The following ABCC4 variants were observed in gnomAD, a reference collection of about 807,000 sequenced individuals.
The protein encoded by ABCC4 is ATP-binding cassette sub-family C member 4.
ABCC4 carries 102 observed loss-of-function variants against 168.5 expected under a neutral mutation model. That is an observed-to-expected ratio of 0.61 (90% CI 0.52 to 0.71). The LOEUF is 0.71. Among genes scored for constraint, ABCC4 ranks in the 30% least tolerant of loss-of-function variants. ABCC4 has a pLI of 0.00. For missense variants in ABCC4, 1,402 were observed against 1,605.8 expected, an observed-to-expected ratio of 0.87 and a Z score of 2.17; for synonymous variants, 617 against 590.7, an observed-to-expected ratio of 1.04 and a Z score of -0.65.
chr13:95,271,838 G>A (rs972311248), intron 1 of ABCC4, among the ~76,000 whole-genome samples: 1 of 152,086 alleles, frequency 6.6e-6, no homozygotes, highest in African/African-American at 2.4e-5. Context: ...CCAACAGCCT[G>A]GAAAACAGAC....
At chr13:95,269,720 C>T (rs139019475) in intron 1 of ABCC4, among the ~76,000 whole-genome samples, 19 of 152,216 alleles carry the variant, frequency 1.2e-4, no homozygotes, top group South Asian at 2.1e-4. Context: ...TGAGAAGGTA[C>T]ACAATGTGAT....
intron 3 of ABCC4, among the ~76,000 whole-genome samples, chr13:95,240,138 A>G (rs79197403): frequency 0.013 from 1,921 of 152,356 alleles, 19 homozygotes; most frequent in Non-Finnish European, 0.021. Context: ...GTTAAATGAT[A>G]CAGCATGCAA....
intron 7 of ABCC4, among the ~76,000 whole-genome samples, chr13:95,207,438 C>T (rs1400871954): frequency 6.6e-6 from 1 of 152,226 alleles, no homozygotes; most frequent in Non-Finnish European, 1.5e-5. Flanking sequence ...TGCCCAGTCT[C>T]TATAACTTGT....
intron 20 of ABCC4, chr13:95,096,311 CTG>C (rs1468518948): frequency 2.1e-5 from 9 of 428,730 alleles, no homozygotes; most frequent in Non-Finnish European, 3.7e-5. Flanking sequence ...GACTGAAAGA[CTG>C]GAATGCAACA....
At chr13:95,219,001 A>G (rs13378148) in intron 4 of ABCC4, among the ~76,000 whole-genome samples, 78,089 of 115,182 alleles carry the variant, frequency 0.68, 27,859 homozygotes, top group Non-Finnish European at 0.78. Context: ...GAAAGAAAGA[A>G]AGAGTGAGAA....
chr13:95,044,622 C>T (rs907814080), intron 27 of ABCC4, among the ~76,000 whole-genome samples, 184 bp from the exon 28 acceptor site: 4 of 152,228 alleles, frequency 2.6e-5, no homozygotes, highest in South Asian at 2.1e-4. Flanking sequence ...CAACACAAAA[C>T]GGAAATATTC....
chr13:95,091,511 A>G (rs2034433464), intron 20 of ABCC4, among the ~76,000 whole-genome samples: 1 of 152,212 alleles, frequency 6.6e-6, no homozygotes, highest in South Asian at 2.1e-4. Flanking sequence ...CAAACAAAAC[A>G]ATGATCAGCC....
chr13:95,247,133 C>T (rs2040127439), intron 2 of ABCC4, 38 bp from the exon 3 acceptor site: 7 of 1,596,892 alleles, frequency 4.4e-6, no homozygotes, highest in Non-Finnish European at 5.1e-6. Flanking sequence ...AAGAGTGAAC[C>T]CTGCCACAAT....
At chr13:95,055,358 G>C (rs2033013444) in intron 26 of ABCC4, among the ~76,000 whole-genome samples, 1 of 152,152 alleles carries the variant, frequency 6.6e-6, no homozygotes, top group South Asian at 2.1e-4. Flanking sequence ...AAAAGATTTA[G>C]TAGCCTAAGT....
intron 19 of ABCC4, chr13:95,149,059 CTT>C (rs754616361): frequency 7.2e-5 from 11 of 152,194 alleles, no homozygotes; most frequent in Non-Finnish European, 1.3e-4. Flanking sequence ...GGTCTAAAGA[CTT>C]GACAATTCCT....
At chr13:95,205,053 C>T (rs1470665477) in intron 8 of ABCC4, among the ~76,000 whole-genome samples, 1 of 152,186 alleles carries the variant, frequency 6.6e-6, no homozygotes, top group African/African-American at 2.4e-5. Flanking sequence ...TTTCAAGATG[C>T]AAAAGCTACA....
At chr13:95,182,282 G>C (rs927278514) in intron 11 of ABCC4, among the ~76,000 whole-genome samples, 1 of 152,108 alleles carries the variant, frequency 6.6e-6, no homozygotes, top group Non-Finnish European at 1.5e-5. Flanking sequence ...ACACCAAAGG[G>C]GTTTGTAGAG....
chr13:95,173,968 G>A (rs962364267), intron 13 of ABCC4, among the ~76,000 whole-genome samples: 7 of 152,188 alleles, frequency 4.6e-5, no homozygotes, highest in African/African-American at 1.7e-4. Context: ...TTGTCCTCCA[G>A]AACTGTAGAA....
At chr13:95,077,707 C>T (rs1166795881) in intron 21 of ABCC4, among the ~76,000 whole-genome samples, 3 of 151,492 alleles carry the variant, frequency 2.0e-5, no homozygotes, top group South Asian at 2.1e-4. Context: ...GGGTAAGGGG[C>T]GGAGGGAGTG....
intron 8 of ABCC4, among the ~76,000 whole-genome samples, chr13:95,195,959 A>G (rs777657376): frequency 1.4e-4 from 22 of 151,996 alleles, no homozygotes; most frequent in Non-Finnish European, 1.8e-4. Flanking sequence ...TCCTTAGTCA[A>G]TGTCCCCTCC....
intron 20 of ABCC4, among the ~76,000 whole-genome samples, chr13:95,088,750 A>T (rs961647196): frequency 2.0e-5 from 3 of 152,084 alleles, no homozygotes; most frequent in African/African-American, 7.2e-5. Context: ...ACTTTTTTTT[A>T]AAGACAGGTT....
At chr13:95,181,102 T>C (rs1329395369) in intron 11 of ABCC4, among the ~76,000 whole-genome samples, 1 of 152,218 alleles carries the variant, frequency 6.6e-6, no homozygotes, top group Non-Finnish European at 1.5e-5. Flanking sequence ...TAGGTACCAC[T>C]CAGTAAAATT....
Position 95,210,705 on chromosome 13 carries a change from T to A in ABCC4, c.608A>T (p.Asn203Ile). 1 of 1,614,154 alleles carries A rather than the reference T, an allele frequency of 6.2e-7. No individual in the cohort carries two copies. Among genetic ancestry groups the A allele is most frequent in the Non-Finnish European group, 8.5e-7 (1 of 1,179,974 alleles). Residue 203 changes from asparagine (N) to isoleucine (I), a missense_variant, in exon 5 of 31, where the codon AAC becomes ATC. Asn to Ile is a moderately radical substitution (Grantham distance 149). Transcript: ENST00000645237. The part of the protein sequence containing the change: ...QIVNLLSNDV[N>I]KFDQVTVFLH... ...GCTGCAGCTTACCTGATCAAACTTG[T>A]TCACATCATTGGACAGCAGATTGAC...
In ABCC4 at chr13:95,113,256, A is replaced by G. The variant is rs2035263817; in HGVS notation, c.2535+2666T>C. On this transcript the variant is annotated intron_variant, in intron 20 of 30. Transcript: ENST00000645237. ...CATGAGGTGAACAAAGCTAACTGTC[A>G]TTTTGACCTTGCTTTGCTTTAATTC... Among the ~76,000 whole-genome samples the G allele has an allele frequency of 2.6e-5, 4 of 152,226 alleles. No homozygotes were observed. In the South Asian group the frequency reaches 8.3e-4, roughly 31 times the overall value.
Sources: gnomAD v4.1 joint callset for allele counts (sites outside exome capture counted in the v4.1 genomes callset) on GRCh38, gnomAD v4.1.1 for gene constraint, MANE v1.5 for transcripts, NCBI Gene and HGNC (gene_info 2026-07-23, HGNC 2026-07-21) for gene names.